The following PHACTR3 variants were observed in gnomAD, a reference collection of about 807,000 sequenced individuals.
PHACTR3 encodes protein phosphatase 1, regulatory subunit 123.
A neutral mutation model predicts 66.8 loss-of-function variants in PHACTR3; 16 were observed. The ratio of observed to expected loss-of-function variants is 0.24; its 90% CI spans 0.16 to 0.36. The LOEUF (loss-of-function observed/expected upper bound fraction) is 0.36, where lower values mean the gene tolerates loss of function less well. Ranked by LOEUF, PHACTR3 falls within the 10% of genes least tolerant of loss-of-function variation. The pLI is 1.00. For synonymous variants in PHACTR3, 323 were observed against 292.1 expected (o/e 1.11, Z -1.08); for missense variants, 647 against 719.9 (o/e 0.90, Z 1.16).
intron 1 of PHACTR3, among the ~76,000 whole-genome samples, chr20:59,594,205 C>A (rs1410358279): frequency 6.6e-6 from 1 of 152,056 alleles, no homozygotes; most frequent in Non-Finnish European, 1.5e-5. Context: ...TAGGTGTATA[C>A]CTAGGTATTT....
intron 1 of PHACTR3, among the ~76,000 whole-genome samples, chr20:59,621,824 A>G (rs1286569318): frequency 6.6e-6 from 1 of 152,200 alleles, no homozygotes; most frequent in Admixed American, 6.5e-5. Context: ...GGTCACCTCT[A>G]CAGAATCACA....
chr20:59,599,052 T>A (rs902584076), intron 1 of PHACTR3, among the ~76,000 whole-genome samples: 5 of 152,164 alleles, frequency 3.3e-5, no homozygotes, highest in African/African-American at 1.2e-4. Flanking sequence ...GAAGAAGAGT[T>A]CCCTGGAGCC....
chr20:59,747,673 C>CA, intron 2 of PHACTR3, 85 bp from the exon 3 acceptor site: 44 of 1,498,152 alleles, frequency 2.9e-5, no homozygotes, highest in Non-Finnish European at 4.0e-5. Context: ...GGTCTGTAAA[C>CA]TTGAGCCTGG....
chr20:59,816,364 C>T (rs887816133), intron 8 of PHACTR3, among the ~76,000 whole-genome samples: 1 of 152,304 alleles, frequency 6.6e-6, no homozygotes, highest in Non-Finnish European at 1.5e-5. Context: ...GTTGGGACCC[C>T]TGTTCTAGAG....
At chr20:59,722,442 G>A (rs2038353429) in intron 1 of PHACTR3, among the ~76,000 whole-genome samples, 1 of 152,108 alleles carries the variant, frequency 6.6e-6, no homozygotes, top group African/African-American at 2.4e-5. Flanking sequence ...GCACGATCAG[G>A]GACTTCCCTG....
intron 1 of PHACTR3, among the ~76,000 whole-genome samples, chr20:59,705,284 T>C (rs939369462): frequency 1.3e-5 from 2 of 152,202 alleles, no homozygotes; most frequent in Non-Finnish European, 1.5e-5. Context: ...AAAGTCAATA[T>C]AATTCTAAGT....
rs1555881178 is a variant in PHACTR3, at chr20:59,635,169, C to CTTTCTTTCTTTCTTTCCTT, written c.118+30037_118+30038insTTTCTTTCTTTCTTTCCTT. On this transcript the variant is annotated intron_variant, in intron 1 of 12. Coordinates refer to ENST00000371015, the MANE Select transcript of PHACTR3 (RefSeq NM_080672.5). Reference sequence around the variant, plus strand: ...TTTCTTTTTCTTTCTTTCTTTCTTTCCTTTCTTTCTTTCTTTCTTTCTTTC... The same window carrying CTTTCTTTCTTTCTTTCCTT: ...TTTCTTTTTCTTTCTTTCTTTCTTTCTTTCTTTCTTTCTTTCCTTCTTTCTTTCTTTCTTTCTTTCTTTC... Among the ~76,000 whole-genome samples the CTTTCTTTCTTTCTTTCCTT allele has an allele frequency of 2.5e-3, 138 of 55,356 alleles. 7 individuals carry two copies. Among genetic ancestry groups the CTTTCTTTCTTTCTTTCCTT allele is most frequent in the Non-Finnish European group, 3.3e-3 (100 of 30,194 alleles). 36.3% of individuals were successfully genotyped at this position (55,356 alleles called of 152,430 possible). A position where few individuals can be genotyped will look rare whatever the true frequency, so the allele number is the denominator to read the frequency against.
intron 1 of PHACTR3, among the ~76,000 whole-genome samples, chr20:59,615,080 C>G (rs544424003): frequency 6.6e-6 from 1 of 152,192 alleles, no homozygotes; most frequent in Non-Finnish European, 1.5e-5. Flanking sequence ...CTATATACAA[C>G]CAGAGATACA....
chr20:59,599,964 C>T (rs1249248472), upstream of PHACTR3, among the ~76,000 whole-genome samples: 2 of 152,308 alleles, frequency 1.3e-5, no homozygotes, highest in African/African-American at 2.4e-5. Flanking sequence ...CCCACCACTG[C>T]CTCAGTGGCT....
intron 7 of PHACTR3, among the ~76,000 whole-genome samples, chr20:59,785,718 C>G (rs556915809): frequency 6.6e-6 from 1 of 152,216 alleles, no homozygotes; most frequent in Non-Finnish European, 1.5e-5. Flanking sequence ...AAAGCCAAGT[C>G]ACATCCACAG....
At chr20:59,840,720 A>G (rs1278148613) in intron 10 of PHACTR3, among the ~76,000 whole-genome samples, 2 of 152,158 alleles carry the variant, frequency 1.3e-5, no homozygotes, top group African/African-American at 4.8e-5. Context: ...GTTGATTGGC[A>G]TTTTCTTAAT....
intron 8 of PHACTR3, among the ~76,000 whole-genome samples, chr20:59,832,516 G>C (rs534854010): frequency 6.6e-6 from 1 of 152,292 alleles, no homozygotes; most frequent in South Asian, 2.1e-4. Context: ...GGGCAGGTCC[G>C]TATCTCTTGG....
intron 1 of PHACTR3, among the ~76,000 whole-genome samples, chr20:59,716,729 T>C (rs1192847513): frequency 6.6e-6 from 1 of 152,252 alleles, no homozygotes; most frequent in Admixed American, 6.5e-5. Context: ...TTTGTTTTAA[T>C]GTCATTTGTT....
chr20:59,597,236 C>T (rs2033351029), intron 1 of PHACTR3, among the ~76,000 whole-genome samples: 1 of 152,222 alleles, frequency 6.6e-6, no homozygotes, highest in Non-Finnish European at 1.5e-5. Context: ...ATTATTCCAA[C>T]CTCACAAGAT....
At chr20:59,723,309 C>T (rs557748889) in intron 1 of PHACTR3, among the ~76,000 whole-genome samples, 1 of 152,164 alleles carries the variant, frequency 6.6e-6, no homozygotes, top group African/African-American at 2.4e-5. Flanking sequence ...TTCCCTACCC[C>T]TGGCAACCGT....
intron 1 of PHACTR3, among the ~76,000 whole-genome samples, chr20:59,651,905 A>G (rs1319546302): frequency 6.6e-6 from 1 of 152,184 alleles, no homozygotes; most frequent in Non-Finnish European, 1.5e-5. Context: ...ATGGAGATAC[A>G]TACAGATATA....
At chr20:59,822,101 A>G in intron 8 of PHACTR3, among the ~76,000 whole-genome samples, 1 of 53,626 alleles carries the variant, frequency 1.9e-5, no homozygotes, top group Non-Finnish European at 3.4e-5. Context: ...CAGCGATCCC[A>G]CCCCCTCCGC....
chr20:59,726,184 A>AT (rs1203707885), intron 1 of PHACTR3, among the ~76,000 whole-genome samples: 1 of 152,198 alleles, frequency 6.6e-6, no homozygotes, highest in Non-Finnish European at 1.5e-5. Context: ...AAGTTTGCAT[A>AT]TTGCATGAGA....
chr20:59,769,337 G>A (rs1398573942), intron 5 of PHACTR3, among the ~76,000 whole-genome samples: 1 of 152,204 alleles, frequency 6.6e-6, no homozygotes, highest in Non-Finnish European at 1.5e-5. Flanking sequence ...ATCAAGCTGA[G>A]CTCATGCTGG....
Sources: allele counts gnomAD v4.1 joint callset (sites outside exome capture counted in the v4.1 genomes callset), GRCh38; gene constraint gnomAD v4.1.1; transcripts MANE v1.5; gene names NCBI Gene and HGNC (gene_info 2026-07-23, HGNC 2026-07-21).